The following PLPPR1 variants were observed in gnomAD, a reference collection of about 807,000 sequenced individuals.
The protein encoded by PLPPR1 is phospholipid phosphatase-related protein type 1.
PLPPR1 carries 10 observed loss-of-function variants against 33.1 expected under a neutral mutation model. That is an observed-to-expected ratio of 0.30 (90% confidence interval 0.19 to 0.51). PLPPR1 has a LOEUF of 0.51. Ranked by LOEUF, PLPPR1 falls within the 20% of genes least tolerant of loss-of-function variation. The pLI is 0.97. For missense variants in PLPPR1, 304 were observed against 408.1 expected, an observed-to-expected ratio of 0.74 and a Z score of 2.20; for synonymous variants, 151 against 151.0, an observed-to-expected ratio of 1.00 and a Z score of 0.00.
At chr9:101,289,271 C>G (rs926347012) in intron 4 of PLPPR1, among the ~76,000 whole-genome samples, 1 of 152,178 alleles carries the variant, frequency 6.6e-6, no homozygotes, top group African/African-American at 2.4e-5. Context: ...CTAGTTGCCT[C>G]GTCTTCTAGG....
chr9:101,287,862 A>G (rs938611796), intron 4 of PLPPR1, among the ~76,000 whole-genome samples: 1 of 152,140 alleles, frequency 6.6e-6, no homozygotes, highest in African/African-American at 2.4e-5. Flanking sequence ...AAATGGGGTA[A>G]AGTAACTTTT....
At chr9:101,262,000 T>C (rs1174649294) in intron 2 of PLPPR1, among the ~76,000 whole-genome samples, 2 of 152,006 alleles carry the variant, frequency 1.3e-5, no homozygotes, top group Non-Finnish European at 2.9e-5. Context: ...AAAAAAAAGA[T>C]ATAGCTCTGT....
intron 3 of PLPPR1, among the ~76,000 whole-genome samples, chr9:101,285,373 G>A (rs1828375602): frequency 6.6e-6 from 1 of 152,122 alleles, no homozygotes; most frequent in Admixed American, 6.5e-5. Context: ...TTAGTTTAAC[G>A]AGAGAGATGC....
rs142251552 is a variant in PLPPR1 at position 101,131,277 on chromosome 9, G to A, written c.-45-54173G>A. Among the ~76,000 whole-genome samples the A allele has an allele frequency of 1.6e-4, 24 of 152,234 alleles. No homozygotes were observed. In the East Asian group the frequency reaches 1.7e-3, roughly 11 times the overall value. On this transcript the variant is annotated intron_variant, in intron 1 of 7. Coordinates refer to ENST00000374874, the MANE Select transcript of PLPPR1 (RefSeq NM_207299.2). The stretch of plus-strand genomic sequence containing the variant: ...TGAGATTACCTGAACTCCTGAACCC[G>A]CTCATTAATATTTCTTTTAAGGGGA...
At chr9:101,265,388 C>T (rs998726844) in intron 2 of PLPPR1, among the ~76,000 whole-genome samples, 10 of 152,210 alleles carry the variant, frequency 6.6e-5, no homozygotes, top group African/African-American at 2.4e-4. Flanking sequence ...ACATCTTCAA[C>T]CCTTCCACCA....
rs1182079647 is a variant in PLPPR1, at chr9:101,153,158, G to A, written c.-45-32292G>A. ...TCCTCAGTAGTTTATTCTCTTTGAAGCAATTGTGAATGGGAGTTCACTCAT... is the reference window on the plus strand; with the variant it reads ...TCCTCAGTAGTTTATTCTCTTTGAAACAATTGTGAATGGGAGTTCACTCAT... On this transcript the variant is annotated intron_variant, in intron 1 of 7. Transcript: ENST00000374874. Among the ~76,000 whole-genome samples, 5 of 152,142 alleles carry A rather than the reference G, an allele frequency of 3.3e-5. No homozygotes were observed. In the East Asian group the frequency reaches 7.7e-4, roughly 23 times the overall value.
At chr9:101,319,417 C>T (rs1588125435) in intron 7 of PLPPR1, among the ~76,000 whole-genome samples, 1 of 152,012 alleles carries the variant, frequency 6.6e-6, no homozygotes, top group East Asian at 1.9e-4. Flanking sequence ...TGCCTTTTTA[C>T]CTTTAATTAA....
intron 3 of PLPPR1, among the ~76,000 whole-genome samples, chr9:101,277,366 A>T (rs1828215727): frequency 6.6e-6 from 1 of 152,206 alleles, no homozygotes; most frequent in Non-Finnish European, 1.5e-5. Flanking sequence ...AGTGACAGAG[A>T]TATCAGCAAA....
chr9:101,183,344 T>C (rs1826150506), intron 1 of PLPPR1, among the ~76,000 whole-genome samples: 1 of 151,802 alleles, frequency 6.6e-6, no homozygotes, highest in African/African-American at 2.4e-5. Context: ...AAAAAATTAC[T>C]GAATGTGCAA....
At chr9:101,136,546 T>C (rs925722317) in intron 1 of PLPPR1, among the ~76,000 whole-genome samples, 7 of 152,376 alleles carry the variant, frequency 4.6e-5, no homozygotes, top group Middle Eastern at 3.4e-3. Context: ...TACTTGTTAC[T>C]ATTGAATCTT....
intron 2 of PLPPR1, among the ~76,000 whole-genome samples, chr9:101,258,915 G>A (rs1339510307): frequency 6.6e-6 from 1 of 152,110 alleles, no homozygotes; most frequent in Non-Finnish European, 1.5e-5. Context: ...ATGCCTGCCA[G>A]TTTTGTATCA....
chr9:101,128,864 TC>T (rs780918780), intron 1 of PLPPR1, among the ~76,000 whole-genome samples: 6 of 152,180 alleles, frequency 3.9e-5, no homozygotes, highest in Non-Finnish European at 8.8e-5. Context: ...TGAAACCCCA[TC>T]TTTTTCCTCT....
intron 1 of PLPPR1, among the ~76,000 whole-genome samples, chr9:101,077,226 TG>T (rs1231998417): frequency 4.6e-5 from 7 of 152,214 alleles, no homozygotes; most frequent in African/African-American, 1.7e-4. Context: ...TTCCTGCTTA[TG>T]CCCCTATCTC....
intron 4 of PLPPR1, among the ~76,000 whole-genome samples, chr9:101,296,973 A>G (rs994194886): frequency 2.6e-5 from 4 of 152,124 alleles, no homozygotes; most frequent in Non-Finnish European, 5.9e-5. Flanking sequence ...TTAAAAAAAC[A>G]CTATGAATCC....
intron 2 of PLPPR1, among the ~76,000 whole-genome samples, chr9:101,243,946 G>A (rs1827532704): frequency 6.6e-6 from 1 of 151,768 alleles, no homozygotes; most frequent in Non-Finnish European, 1.5e-5. Flanking sequence ...TAGAACCCTG[G>A]AAAACATGAC....
intron 1 of PLPPR1, among the ~76,000 whole-genome samples, chr9:101,036,342 C>T (rs534358694): frequency 6.6e-6 from 1 of 152,260 alleles, no homozygotes; most frequent in East Asian, 1.9e-4. Flanking sequence ...CCTGGCTAAT[C>T]TTCTGGTCAA....
chr9:101,101,994 T>A (rs941660125), intron 1 of PLPPR1, among the ~76,000 whole-genome samples: 1 of 152,096 alleles, frequency 6.6e-6, no homozygotes, highest in African/African-American at 2.4e-5. Context: ...GTTTATAAGT[T>A]ACTACCTTTT....
intron 1 of PLPPR1, among the ~76,000 whole-genome samples, chr9:101,111,698 G>C (rs898736508): frequency 6.6e-6 from 1 of 152,106 alleles, no homozygotes; most frequent in Admixed American, 6.6e-5. Context: ...TCAAATACCA[G>C]GTAGTGAAAC....
At chr9:101,171,646 G>A (rs930535100) in intron 1 of PLPPR1, among the ~76,000 whole-genome samples, 1 of 152,160 alleles carries the variant, frequency 6.6e-6, no homozygotes, top group Non-Finnish European at 1.5e-5. Flanking sequence ...CTCAAAGAGT[G>A]TATTCCTAAA....
Sources: allele counts gnomAD v4.1 joint callset (sites outside exome capture counted in the v4.1 genomes callset), GRCh38; gene constraint gnomAD v4.1.1; transcripts MANE v1.5; gene names NCBI Gene and HGNC (gene_info 2026-07-23, HGNC 2026-07-21).